DRC8: variants seen among roughly 807,000 people sequenced by gnomAD.
The protein encoded by DRC8 is dynein regulatory complex protein 8.
chr1:245,068,601 C>T, the DRC8 span, among the ~76,000 whole-genome samples: 1 of 151,614 alleles, frequency 6.6e-6, no homozygotes, highest in Admixed American at 6.6e-5. Context: ...GCCACCACTC[C>T]CAGCTAATTT....
At chr1:244,980,083 G>C in the DRC8 span, among the ~76,000 whole-genome samples, 1 of 126,260 alleles carries the variant, frequency 7.9e-6, no homozygotes, top group Non-Finnish European at 1.7e-5. Flanking sequence ...GCTGGGCGTG[G>C]TGGCAGGTGC....
chr1:245,053,822 T>A, the DRC8 span, among the ~76,000 whole-genome samples: 1 of 152,056 alleles, frequency 6.6e-6, no homozygotes, highest in Non-Finnish European at 1.5e-5. Flanking sequence ...CTCAAGGGGA[T>A]GTGAAAGAGG....
chr1:245,059,910 G>A, the DRC8 span, among the ~76,000 whole-genome samples: 1 of 152,190 alleles, frequency 6.6e-6, no homozygotes, highest in Admixed American at 6.5e-5. Context: ...AACGAGTCAT[G>A]TGTAATAGTG....
the DRC8 span, among the ~76,000 whole-genome samples, chr1:244,972,228 C>G: frequency 1.3e-5 from 2 of 152,174 alleles, no homozygotes; most frequent in South Asian, 4.1e-4. Flanking sequence ...GCCATTCATT[C>G]AGAATACATA....
At chr1:245,058,690 A>G in the DRC8 span, among the ~76,000 whole-genome samples, 2 of 152,244 alleles carry the variant, frequency 1.3e-5, no homozygotes, top group African/African-American at 4.8e-5. Context: ...AGTATTGAAT[A>G]GCATTTATAC....
the DRC8 span, among the ~76,000 whole-genome samples, chr1:245,022,549 A>G: frequency 6.6e-6 from 1 of 152,176 alleles, no homozygotes; most frequent in African/African-American, 2.4e-5. Flanking sequence ...TAGATGATAT[A>G]TGTACATGGG....
chr1:245,069,777 C>T, the DRC8 span, among the ~76,000 whole-genome samples: 2 of 152,198 alleles, frequency 1.3e-5, no homozygotes, highest in African/African-American at 2.4e-5. Flanking sequence ...CATGGGGGTG[C>T]ACCCCAATAG....
the DRC8 span, among the ~76,000 whole-genome samples, chr1:245,071,140 A>G: frequency 4.6e-5 from 7 of 152,240 alleles, no homozygotes; most frequent in Non-Finnish European, 1.0e-4. Context: ...AATTGGACTA[A>G]GACCGAAATT....
chr1:245,011,879 T>C, the DRC8 span, among the ~76,000 whole-genome samples: 2 of 152,148 alleles, frequency 1.3e-5, no homozygotes, highest in Non-Finnish European at 2.9e-5. Context: ...TAAACCATAA[T>C]ATTCAGAGTT....
chr1:245,100,443 G>A, the DRC8 span, among the ~76,000 whole-genome samples: 1 of 149,772 alleles, frequency 6.7e-6, no homozygotes, highest in Non-Finnish European at 1.5e-5. Context: ...ATCCAGTGTC[G>A]AAAAGATCAG....
chr1:244,997,797 G>T, the DRC8 span, among the ~76,000 whole-genome samples: 1 of 151,916 alleles, frequency 6.6e-6, no homozygotes, highest in African/African-American at 2.4e-5. Flanking sequence ...CGCCCACCTC[G>T]GCCTCCCAAA....
At chr1:245,120,347 A>G in the DRC8 span, among the ~76,000 whole-genome samples, 2,069 of 152,290 alleles carry the variant, frequency 0.014, 55 homozygotes, top group African/African-American at 0.047. Context: ...AATTGTATAA[A>G]TACCCACCTC....
At chr1:245,057,535 A>G in the DRC8 span, among the ~76,000 whole-genome samples, 6 of 152,200 alleles carry the variant, frequency 3.9e-5, no homozygotes, top group Non-Finnish European at 8.8e-5. Flanking sequence ...CATTTGCAGT[A>G]GTCACATTTC....
the DRC8 span, among the ~76,000 whole-genome samples, chr1:245,023,651 A>G: frequency 1.3e-5 from 2 of 152,110 alleles, no homozygotes; most frequent in Non-Finnish European, 2.9e-5. Flanking sequence ...GCATTTTCCT[A>G]ATGATTAGTA....
the DRC8 span, among the ~76,000 whole-genome samples, chr1:244,980,964 C>T: frequency 6.6e-6 from 1 of 152,150 alleles, no homozygotes; most frequent in South Asian, 2.1e-4. Context: ...GGGTGGATTA[C>T]CTGAGGTAGG....
the DRC8 span, among the ~76,000 whole-genome samples, chr1:245,047,517 T>C: frequency 0.035 from 5,238 of 151,178 alleles, 323 homozygotes; most frequent in African/African-American, 0.12. Flanking sequence ...CGCCTGTAAT[T>C]CCAGCTACTT....
the DRC8 span, among the ~76,000 whole-genome samples, chr1:245,010,971 G>A: frequency 0.024 from 3,627 of 152,052 alleles, 157 homozygotes; most frequent in African/African-American, 0.083. Flanking sequence ...GTGAGCCACC[G>A]CGCCCAGCCT....
At chr1:245,041,454 C>T in the DRC8 span, among the ~76,000 whole-genome samples, 2 of 151,890 alleles carry the variant, frequency 1.3e-5, no homozygotes, top group African/African-American at 2.4e-5. Context: ...ATTGAGATGG[C>T]CATCAAGAGC....
the DRC8 span, among the ~76,000 whole-genome samples, chr1:245,005,908 G>A: frequency 6.6e-6 from 1 of 152,186 alleles, no homozygotes. Context: ...TTCCAGGCAG[G>A]AGTGTCCGTC....
Sources: gnomAD v4.1 joint callset for allele counts (sites outside exome capture counted in the v4.1 genomes callset) on GRCh38, gnomAD v4.1.1 for gene constraint, MANE v1.5 for transcripts, NCBI Gene and HGNC (gene_info 2026-07-23, HGNC 2026-07-21) for gene names.